Variants in CTIF observed in about 807,000 individuals in gnomAD.
The protein encoded by CTIF is CBP80/20-dependent translation initiation factor.
Under a neutral mutation model 66.0 loss-of-function variants are expected in CTIF, and 21 were observed. The observed-to-expected ratio is 0.32, with a 90% CI of 0.23 to 0.46. CTIF has a LOEUF of 0.46. CTIF is among the 20% of genes least tolerant of loss of function. CTIF has a pLI of 1.00. For synonymous variants in CTIF, 345 were observed against 326.4 expected, an observed-to-expected ratio of 1.06 and a Z score of -0.62; for missense variants, 739 against 812.7, an observed-to-expected ratio of 0.91 and a Z score of 1.10.
intron 1 of CTIF, among the ~76,000 whole-genome samples, chr18:48,598,259 A>C (rs2090023583): frequency 6.6e-6 from 1 of 152,232 alleles, no homozygotes; most frequent in Non-Finnish European, 1.5e-5. Context: ...TTGCTTTATA[A>C]GTCACAAACG....
At chr18:48,574,415 C>T (rs1300072814) in intron 1 of CTIF, among the ~76,000 whole-genome samples, 2 of 152,170 alleles carry the variant, frequency 1.3e-5, no homozygotes, top group African/African-American at 4.8e-5. Flanking sequence ...AAAAAGGAAA[C>T]AAAATTAATG....
intron 1 of CTIF, among the ~76,000 whole-genome samples, chr18:48,602,580 T>C (rs539531143): frequency 1.0e-3 from 154 of 152,352 alleles, no homozygotes; most frequent in Middle Eastern, 6.8e-3. Flanking sequence ...TGTCTAATAG[T>C]TGTGTTTTCA....
intron 7 of CTIF, among the ~76,000 whole-genome samples, chr18:48,735,469 G>A (rs556283439): frequency 3.1e-4 from 47 of 152,330 alleles, no homozygotes; most frequent in African/African-American, 1.1e-3. Flanking sequence ...TGTTGCTGGA[G>A]GGACAGCCGG....
intron 7 of CTIF, among the ~76,000 whole-genome samples, chr18:48,750,489 G>A (rs1325899853): frequency 6.6e-6 from 1 of 152,252 alleles, no homozygotes; most frequent in African/African-American, 2.4e-5. Context: ...CCACGAGGCA[G>A]CAATGAAGCC....
intron 1 of CTIF, among the ~76,000 whole-genome samples, chr18:48,578,541 T>C (rs189786281): frequency 3.2e-4 from 48 of 152,314 alleles, no homozygotes; most frequent in African/African-American, 1.1e-3. Flanking sequence ...TGGTATCTCA[T>C]TGTGGTTTTG....
intron 1 of CTIF, among the ~76,000 whole-genome samples, chr18:48,560,987 C>G (rs1025925275): frequency 9.2e-5 from 14 of 152,088 alleles, no homozygotes; most frequent in Non-Finnish European, 1.5e-4. Flanking sequence ...GCCTGTAATC[C>G]TAGCACTTTG....
At chr18:48,788,030 T>C (rs116613263) in intron 9 of CTIF, among the ~76,000 whole-genome samples, 1,986 of 152,258 alleles carry the variant, frequency 0.013, 47 homozygotes, top group African/African-American at 0.045. Context: ...CTTCTCCCTG[T>C]AAAACACTGC....
chr18:48,849,958 TC>T (rs2069165451), intron 10 of CTIF, among the ~76,000 whole-genome samples: 1 of 152,188 alleles, frequency 6.6e-6, no homozygotes, highest in Non-Finnish European at 1.5e-5. Context: ...ATCCCCACCG[TC>T]CATCTCCAGA....
At chr18:48,540,220 G>A (rs1289595652) in intron 1 of CTIF, 1 of 152,278 alleles carries the variant, frequency 6.6e-6, no homozygotes, top group African/African-American at 2.4e-5. Context: ...CTGGGGAATA[G>A]ATACGCCCGG....
intron 7 of CTIF, among the ~76,000 whole-genome samples, chr18:48,715,139 G>A (rs2092267476): frequency 6.6e-6 from 1 of 152,192 alleles, no homozygotes; most frequent in Non-Finnish European, 1.5e-5. Flanking sequence ...GTCAGAGGGG[G>A]CAGAGCCTGG....
intron 1 of CTIF, among the ~76,000 whole-genome samples, chr18:48,542,678 G>C (rs1215335717): frequency 1.3e-5 from 2 of 152,170 alleles, no homozygotes. Flanking sequence ...AAATATTTTA[G>C]AGCAGTCACC....
chr18:48,727,432 T>G (rs1037554130), intron 7 of CTIF, among the ~76,000 whole-genome samples: 1 of 152,206 alleles, frequency 6.6e-6, no homozygotes, highest in African/African-American at 2.4e-5. Flanking sequence ...GCAGCTGATT[T>G]GTTGCTCAGA....
intron 1 of CTIF, among the ~76,000 whole-genome samples, chr18:48,555,834 G>C (rs1018109964): frequency 6.6e-6 from 1 of 152,194 alleles, no homozygotes; most frequent in African/African-American, 2.4e-5. Flanking sequence ...GTGTGACACA[G>C]GGCTCAGTTT....
intron 3 of CTIF, among the ~76,000 whole-genome samples, chr18:48,646,767 T>C (rs1489100520): frequency 1.4e-5 from 2 of 146,730 alleles, no homozygotes. Flanking sequence ...GAAAATAAAA[T>C]AAAAACAAAA....
At chr18:48,738,320 T>G (rs4939798) in intron 7 of CTIF, among the ~76,000 whole-genome samples, 20,476 of 152,154 alleles carry the variant, frequency 0.13, 1,627 homozygotes, top group Non-Finnish European at 0.18. Flanking sequence ...CTCACCTTTT[T>G]CAATGTCATT....
At chr18:48,703,514 C>G (rs2092111570) in intron 6 of CTIF, among the ~76,000 whole-genome samples, 1 of 152,218 alleles carries the variant, frequency 6.6e-6, no homozygotes, top group African/African-American at 2.4e-5. Flanking sequence ...TGCTTTCTTC[C>G]TTTTCAAAAA....
chr18:48,811,106 C>T (rs1308058583), intron 9 of CTIF, among the ~76,000 whole-genome samples: 1 of 152,054 alleles, frequency 6.6e-6, no homozygotes, highest in African/African-American at 2.4e-5. Context: ...TATCCCCTTC[C>T]CACCAGTATT....
At chr18:48,747,749 A>AC (rs1385631071) in intron 7 of CTIF, among the ~76,000 whole-genome samples, 25 of 128,138 alleles carry the variant, frequency 2.0e-4, no homozygotes, top group African/African-American at 8.3e-4. Context: ...CTCTACAAAA[A>AC]TTAAAAAAAA....
chr18:48,568,757 T>C lies in CTIF; in HGVS notation c.-29+29445T>C, dbSNP rs528722736. ...AGGATGAGCAAAGGCACATCTTACA[T>C]GGCGGCAGGCAAAAGAGTGTGTGCA... On this transcript the variant is annotated intron_variant, in intron 1 of 11. Transcript: ENST00000256413. Among the ~76,000 whole-genome samples, 11 of 148,742 alleles carry C rather than the reference T, an allele frequency of 7.4e-5. No homozygotes were observed. In the East Asian group the frequency reaches 1.6e-3, roughly 22 times the overall value.
Sources: gnomAD v4.1 joint callset for allele counts (sites outside exome capture counted in the v4.1 genomes callset) on GRCh38, gnomAD v4.1.1 for gene constraint, MANE v1.5 for transcripts, NCBI Gene and HGNC (gene_info 2026-07-23, HGNC 2026-07-21) for gene names.